The following PIK3C2G variants were observed in gnomAD, a reference collection of about 807,000 sequenced individuals.
PIK3C2G encodes the protein phosphatidylinositol-4-phosphate 3-kinase catalytic subunit type 2 gamma.
PIK3C2G carries 168 observed loss-of-function variants against 181.1 expected under a neutral mutation model. That is an observed-to-expected ratio of 0.93 (90% CI 0.82 to 1.05). PIK3C2G has a LOEUF of 1.05. Among genes scored for constraint, PIK3C2G ranks in the 50% least tolerant of loss-of-function variants. The pLI is 0.00. For synonymous variants in PIK3C2G, 573 were observed against 592.2 expected, an observed-to-expected ratio of 0.97 and a Z score of 0.47; for missense variants, 1,869 against 1,732.8, an observed-to-expected ratio of 1.08 and a Z score of -1.40.
intron 8 of PIK3C2G, among the ~76,000 whole-genome samples, chr12:18,327,526 A>G (rs1181222075): frequency 6.6e-6 from 1 of 152,074 alleles, no homozygotes; most frequent in Non-Finnish European, 1.5e-5. Context: ...CATATTTTAG[A>G]TGATAACAAT....
At chr12:18,372,221 G>A (rs1420045011) in intron 13 of PIK3C2G, among the ~76,000 whole-genome samples, 7 of 151,500 alleles carry the variant, frequency 4.6e-5, no homozygotes, top group Admixed American at 1.3e-4. Context: ...GTGTGGGCAC[G>A]TGTGTGTGTG....
Position 18,562,909 on chromosome 12 carries a change from T to C in PIK3C2G, c.3780+17T>C. Reference sequence around the variant, plus strand: ...TCCAGTAATGTAAGTTTAAAGTCCGTCATCTTGACTTACGTATCACTTGAC... The same window carrying C: ...TCCAGTAATGTAAGTTTAAAGTCCGCCATCTTGACTTACGTATCACTTGAC... On this transcript the variant is annotated intron_variant, in intron 27 of 32. Transcript: ENST00000538779. 6.5e-7 allele frequency: 1 copy of C among 1,540,006 alleles called. No individual in the cohort carries two copies. Among genetic ancestry groups the C allele is most frequent in the East Asian group, 2.3e-5 (1 of 43,406 alleles).
intron 26 of PIK3C2G, among the ~76,000 whole-genome samples, chr12:18,547,001 T>C (rs1944466418): frequency 6.6e-6 from 1 of 152,000 alleles, no homozygotes; most frequent in Admixed American, 6.6e-5. Context: ...ATTTTTCTTT[T>C]TAAATGGATA....
At chr12:18,608,637 A>G (rs1227985684) in intron 30 of PIK3C2G, among the ~76,000 whole-genome samples, 2 of 152,180 alleles carry the variant, frequency 1.3e-5, no homozygotes, top group South Asian at 4.2e-4. Flanking sequence ...CAGCACACCA[A>G]CATGGCACAT....
At chr12:18,470,962 G>C (rs999001346) in intron 18 of PIK3C2G, among the ~76,000 whole-genome samples, 1 of 152,082 alleles carries the variant, frequency 6.6e-6, no homozygotes, top group Non-Finnish European at 1.5e-5. Context: ...AAGGGAATGA[G>C]ATTAATTTTA....
intron 16 of PIK3C2G, among the ~76,000 whole-genome samples, chr12:18,420,551 A>C (rs12230495): frequency 0.24 from 35,870 of 152,056 alleles, 4,474 homozygotes; most frequent in Admixed American, 0.35. Context: ...ATATTAGATC[A>C]CATTTTGAAT....
intron 8 of PIK3C2G, among the ~76,000 whole-genome samples, chr12:18,329,342 AC>A (rs577094226): frequency 1.4e-4 from 21 of 152,032 alleles, no homozygotes; most frequent in Non-Finnish European, 2.1e-4. Flanking sequence ...AAATTAAGGA[AC>A]AAAATATTTT....
chr12:18,373,100 A>T (rs1329495963), intron 13 of PIK3C2G, among the ~76,000 whole-genome samples: 1 of 152,222 alleles, frequency 6.6e-6, no homozygotes, highest in Non-Finnish European at 1.5e-5. Flanking sequence ...AGATATTTTT[A>T]AGAAACCAGA....
intron 16 of PIK3C2G, among the ~76,000 whole-genome samples, chr12:18,415,127 T>C (rs1565696413): frequency 6.6e-6 from 1 of 152,262 alleles, no homozygotes; most frequent in Non-Finnish European, 1.5e-5. Context: ...AATGCAGGCA[T>C]ACCTTACTTT....
chr12:18,588,782 C>T (rs1946920611), intron 29 of PIK3C2G, among the ~76,000 whole-genome samples: 1 of 152,052 alleles, frequency 6.6e-6, no homozygotes, highest in Non-Finnish European at 1.5e-5. Flanking sequence ...ATCATAAAGA[C>T]ACATACACGT....
rs951890258 is a variant in PIK3C2G at position 18,272,505 on chromosome 12, C to G, written c.-78-9499C>G. Among the ~76,000 whole-genome samples the G allele has an allele frequency of 2.0e-5, 3 of 152,114 alleles. No homozygotes were observed. The South Asian group carries it at 6.2e-4, about 32-fold the overall frequency. On this transcript the variant is annotated intron_variant, in intron 1 of 32. Coordinates refer to ENST00000538779, the MANE Select transcript of PIK3C2G (RefSeq NM_001288772.2). ...TAAAATATTGATAATGCAATTTCAT[C>G]ACTTTCTTCATTTATTTATTTCTCT...
intron 31 of PIK3C2G, among the ~76,000 whole-genome samples, chr12:18,619,945 C>T (rs908132391): frequency 6.6e-6 from 1 of 151,954 alleles, no homozygotes; most frequent in African/African-American, 2.4e-5. Flanking sequence ...AGGATGTTCT[C>T]CATCTCCTGA....
chr12:18,283,813 C>T (rs1252225386), intron 2 of PIK3C2G, among the ~76,000 whole-genome samples: 2 of 152,080 alleles, frequency 1.3e-5, no homozygotes, highest in African/African-American at 2.4e-5. Flanking sequence ...ATCAAAACAA[C>T]TATACAATTA....
At chr12:18,387,254 C>A (rs1315951263) in intron 14 of PIK3C2G, among the ~76,000 whole-genome samples, 1 of 152,154 alleles carries the variant, frequency 6.6e-6, no homozygotes, top group African/African-American at 2.4e-5. Context: ...ATTCTCTAAT[C>A]CAAAATTTAT....
At chr12:18,507,658 C>G (rs1182491612) in intron 24 of PIK3C2G, among the ~76,000 whole-genome samples, 1 of 152,132 alleles carries the variant, frequency 6.6e-6, no homozygotes, top group East Asian at 1.9e-4. Flanking sequence ...TTCAAAGATT[C>G]AGTTTGGACA....
rs531991021 is a variant in PIK3C2G at position 18,363,314 on chromosome 12, G to GT, written c.1748+435dup. Reference sequence around the variant, plus strand: ...AGTACAAATTTATTTAAACAATCAAGTTTTTTTGACAATAAACATCTATAG... The same window carrying GT: ...AGTACAAATTTATTTAAACAATCAAGTTTTTTTTGACAATAAACATCTATAG... On this transcript the variant is annotated intron_variant, in intron 12 of 32. Transcript: ENST00000538779. Among the ~76,000 whole-genome samples, 23 of 152,134 alleles carry GT rather than the reference G, an allele frequency of 1.5e-4. No individual in the cohort carries two copies. The East Asian group carries it at 3.9e-3, about 26-fold the overall frequency.
Position 18,312,067 on chromosome 12 carries a change from T to TCATAACA in PIK3C2G, c.1035-1895_1035-1894insCATAACA, listed in dbSNP as rs1277179396. ...TCTCTGCCTGCTTTTATTCTAGCCA[T>TCATAACA]GCTGGCAGCTGTTTAGATTGTGCCC... On this transcript the variant is annotated intron_variant, in intron 5 of 32. Coordinates refer to ENST00000538779, the MANE Select transcript of PIK3C2G (RefSeq NM_001288772.2). Among the ~76,000 whole-genome samples the TCATAACA allele has an allele frequency of 2.0e-5, 3 of 152,308 alleles. No individual in the cohort carries two copies. The South Asian group carries it at 6.2e-4, about 32-fold the overall frequency.
intron 1 of PIK3C2G, among the ~76,000 whole-genome samples, chr12:18,281,025 C>CA (rs1949190978): frequency 6.6e-6 from 1 of 151,716 alleles, no homozygotes; most frequent in African/African-American, 2.4e-5. Flanking sequence ...CCCCATAGAA[C>CA]ACTGGAATAA....
intron 31 of PIK3C2G, among the ~76,000 whole-genome samples, chr12:18,615,226 T>G (rs1948539176): frequency 6.6e-6 from 1 of 152,042 alleles, no homozygotes; most frequent in Non-Finnish European, 1.5e-5. Context: ...ATGTTTAGTT[T>G]CCCATTCCTG....
Sources: allele counts gnomAD v4.1 joint callset (sites outside exome capture counted in the v4.1 genomes callset), GRCh38; gene constraint gnomAD v4.1.1; transcripts MANE v1.5; gene names NCBI Gene and HGNC (gene_info 2026-07-23, HGNC 2026-07-21).